Variants in NLGN1 observed in about 807,000 individuals in gnomAD.
NLGN1 encodes neuroligin 1.
A neutral mutation model predicts 65.5 loss-of-function variants in NLGN1; 12 were observed. The ratio of observed to expected loss-of-function variants is 0.18; its 90% CI spans 0.12 to 0.30. NLGN1 has a LOEUF of 0.30. Ranked by LOEUF, NLGN1 falls within the 10% of genes least tolerant of loss-of-function variation. The probability of loss-of-function intolerance (pLI) is 1.00; values close to 1 mark genes in which losing one functional copy is unlikely to be tolerated. For missense variants in NLGN1, 750 were observed against 1,007.1 expected, an observed-to-expected ratio of 0.74 and a Z score of 3.46; for synonymous variants, 350 against 359.5, an observed-to-expected ratio of 0.97 and a Z score of 0.30.
intron 4 of NLGN1, among the ~76,000 whole-genome samples, chr3:173,963,381 G>A (rs1369502183): frequency 3.3e-5 from 5 of 152,068 alleles, no homozygotes; most frequent in African/African-American, 9.7e-5. Context: ...GGAGCAAAAC[G>A]CATAAGAAAA....
At chr3:174,292,593 C>G in the NLGN1 span, among the ~76,000 whole-genome samples, 1 of 151,218 alleles carries the variant, frequency 6.6e-6, no homozygotes, top group African/African-American at 2.4e-5. Context: ...GTAAAAAGAA[C>G]AGTTAAATAT....
intron 3 of NLGN1, among the ~76,000 whole-genome samples, chr3:173,749,680 AT>A (rs910037374): frequency 1.1e-4 from 17 of 152,196 alleles, no homozygotes; most frequent in African/African-American, 3.4e-4. Context: ...CAAAAAAAAA[AT>A]AATATTAACA....
chr3:173,504,463 T>C (rs1310161788), intron 2 of NLGN1, among the ~76,000 whole-genome samples: 2 of 152,088 alleles, frequency 1.3e-5, no homozygotes, highest in African/African-American at 4.8e-5. Flanking sequence ...ATTCAAAATC[T>C]AACCTAAAAA....
intron 2 of NLGN1, among the ~76,000 whole-genome samples, chr3:173,586,051 A>G (rs1355559450): frequency 1.3e-5 from 2 of 152,172 alleles, no homozygotes; most frequent in African/African-American, 2.4e-5. Flanking sequence ...GCATACAAAG[A>G]ACTGATTTAT....
intron 4 of NLGN1, among the ~76,000 whole-genome samples, chr3:174,271,183 C>T (rs952480948): frequency 1.3e-5 from 2 of 151,788 alleles, no homozygotes; most frequent in African/African-American, 4.8e-5. Context: ...CAACTATAAA[C>T]ATAGGCACTC....
chr3:173,849,008 A>G (rs1338332905), intron 4 of NLGN1, among the ~76,000 whole-genome samples: 1 of 152,156 alleles, frequency 6.6e-6, no homozygotes, highest in Non-Finnish European at 1.5e-5. Flanking sequence ...TGGAGACTCC[A>G]TAACCTTCTA....
At chr3:174,185,578 A>G (rs898805447) in intron 4 of NLGN1, among the ~76,000 whole-genome samples, 4 of 152,144 alleles carry the variant, frequency 2.6e-5, no homozygotes, top group African/African-American at 9.7e-5. Flanking sequence ...AGTATAGTCA[A>G]TCATAGTATG....
chr3:174,044,576 C>T (rs1379076348), intron 4 of NLGN1, among the ~76,000 whole-genome samples: 2 of 152,168 alleles, frequency 1.3e-5, no homozygotes, highest in African/African-American at 2.4e-5. Context: ...TCCTCACCTC[C>T]ATCCGAGACC....
intron 2 of NLGN1, among the ~76,000 whole-genome samples, chr3:173,519,791 G>A (rs546953299): frequency 6.6e-6 from 1 of 151,790 alleles, no homozygotes; most frequent in Non-Finnish European, 1.5e-5. Flanking sequence ...TTGAGTAAAT[G>A]TTGGAATGAG....
chr3:174,238,577 G>C (rs1003407555), intron 4 of NLGN1, among the ~76,000 whole-genome samples: 1 of 152,066 alleles, frequency 6.6e-6, no homozygotes, highest in East Asian at 1.9e-4. Context: ...TGGCCCGGAT[G>C]GTCTCAATCT....
rs78642455 is a variant in NLGN1 at position 173,476,955 on chromosome 3, C to T, written c.-321+41877C>T. Among the ~76,000 whole-genome samples, 76 of 151,734 alleles carry T rather than the reference C, an allele frequency of 5.0e-4. 1 individual carries two copies. The highest frequency in any genetic ancestry group is 1.6e-3 in the African/African-American group (65 of 41,340). Reference sequence around the variant, plus strand: ...GTGGAAGCAATTGAAAGGGTGATGGCGACACTGATTAAGATAAAGAAGGAA... The same window carrying T: ...GTGGAAGCAATTGAAAGGGTGATGGTGACACTGATTAAGATAAAGAAGGAA... On this transcript the variant is annotated intron_variant, in intron 2 of 6. Transcript: ENST00000457714.
At chr3:173,786,590 T>A (rs1467050744) in intron 3 of NLGN1, among the ~76,000 whole-genome samples, 1 of 152,154 alleles carries the variant, frequency 6.6e-6, no homozygotes, top group Non-Finnish European at 1.5e-5. Context: ...CATAAATATG[T>A]GTAGTATTTA....
intron 3 of NLGN1, among the ~76,000 whole-genome samples, chr3:173,693,506 T>A (rs1765765436): frequency 6.6e-6 from 1 of 152,070 alleles, no homozygotes; most frequent in South Asian, 2.1e-4. Context: ...AAATTAAAAT[T>A]ATCTATTCAT....
intron 4 of NLGN1, among the ~76,000 whole-genome samples, chr3:174,039,215 G>A (rs1428549568): frequency 2.0e-5 from 3 of 151,614 alleles, no homozygotes; most frequent in South Asian, 2.1e-4. Context: ...ACCTTCAGAC[G>A]CAGAACATAA....
At chr3:173,917,813 G>A (rs1741036714) in intron 4 of NLGN1, among the ~76,000 whole-genome samples, 1 of 149,176 alleles carries the variant, frequency 6.7e-6, no homozygotes, top group Non-Finnish European at 1.5e-5. Flanking sequence ...ACTTAGGAAG[G>A]GCGCTCTGAA....
At chr3:173,404,150 TTG>T (rs1466686314) in intron 1 of NLGN1, among the ~76,000 whole-genome samples, 4 of 152,206 alleles carry the variant, frequency 2.6e-5, no homozygotes, top group Non-Finnish European at 5.9e-5. Context: ...CAGATATAAA[TTG>T]TGTCTCAACT....
chr3:173,884,924 C>T (rs774817614), intron 4 of NLGN1, among the ~76,000 whole-genome samples: 4 of 152,130 alleles, frequency 2.6e-5, no homozygotes, highest in Non-Finnish European at 5.9e-5. Context: ...GCTGCGTCCT[C>T]ACATGGCCAC....
At chr3:174,195,542 T>C (rs567852650) in intron 4 of NLGN1, among the ~76,000 whole-genome samples, 1 of 152,298 alleles carries the variant, frequency 6.6e-6, no homozygotes, top group South Asian at 2.1e-4. Context: ...TCAAACCAAA[T>C]CCACTCTGAA....
chr3:173,690,968 A>G (rs1765379889), intron 3 of NLGN1, among the ~76,000 whole-genome samples: 1 of 152,134 alleles, frequency 6.6e-6, no homozygotes, highest in Admixed American at 6.6e-5. Context: ...CAGAAGTTGT[A>G]GAAGGGTGAA....
Sources: gnomAD v4.1 joint callset for allele counts (sites outside exome capture counted in the v4.1 genomes callset) on GRCh38, gnomAD v4.1.1 for gene constraint, MANE v1.5 for transcripts, NCBI Gene and HGNC (gene_info 2026-07-23, HGNC 2026-07-21) for gene names.